Variants in CACNA2D3 observed in about 807,000 individuals in gnomAD.
The protein encoded by CACNA2D3 is calcium voltage-gated channel auxiliary subunit alpha2delta 3, also known as voltage-dependent calcium channel subunit alpha-2/delta-3.
In CACNA2D3, 60 loss-of-function variants were observed where a neutral mutation model predicts 160.6. The ratio of observed to expected loss-of-function variants is 0.37; its 90% CI spans 0.30 to 0.46. The LOEUF is 0.46. Among genes scored for constraint, CACNA2D3 ranks in the 20% least tolerant of loss-of-function variants. The pLI, the probability that CACNA2D3 is intolerant of heterozygous loss-of-function variation, is 1.00. For synonymous variants in CACNA2D3, 558 were observed against 492.9 expected (o/e 1.13, Z -1.75); for missense variants, 1,205 against 1,365.0 (o/e 0.88, Z 1.85).
intron 12 of CACNA2D3, among the ~76,000 whole-genome samples, chr3:54,754,408 C>T (rs1344715767): frequency 6.6e-6 from 1 of 152,190 alleles, no homozygotes; most frequent in Non-Finnish European, 1.5e-5. Context: ...TCCCCTCACA[C>T]ATGTTGTGGG....
At chr3:54,713,973 A>T (rs376146402) in intron 11 of CACNA2D3, among the ~76,000 whole-genome samples, 1 of 151,942 alleles carries the variant, frequency 6.6e-6, no homozygotes, top group African/African-American at 2.4e-5. Flanking sequence ...TGGTTTTTGA[A>T]TCTTCTTGGT....
chr3:54,451,584 G>A (rs1353940432), intron 4 of CACNA2D3, among the ~76,000 whole-genome samples: 2 of 152,064 alleles, frequency 1.3e-5, no homozygotes, highest in Non-Finnish European at 2.9e-5. Flanking sequence ...TCTCTCCATA[G>A]GAAGTGTGTA....
chr3:54,528,806 G>A (rs190409705), intron 5 of CACNA2D3, among the ~76,000 whole-genome samples: 117 of 152,280 alleles, frequency 7.7e-4, no homozygotes, highest in African/African-American at 2.8e-3. Flanking sequence ...GGAGCAGCCC[G>A]TAGCTCAGAG....
chr3:54,223,729 T>C (rs1200501635), intron 2 of CACNA2D3, among the ~76,000 whole-genome samples: 1 of 151,276 alleles, frequency 6.6e-6, no homozygotes, highest in Non-Finnish European at 1.5e-5. Flanking sequence ...TGGCACGTGC[T>C]GAATCCCGTC....
Position 54,335,047 on chromosome 3 carries a change from C to T in CACNA2D3, c.321+14489C>T, listed in dbSNP as rs139954051. On this transcript the variant is annotated intron_variant, in intron 3 of 37. Coordinates refer to ENST00000474759, the MANE Select transcript of CACNA2D3 (RefSeq NM_018398.3). ...GATGTAAAGTGTTTTAGCCCAGTGCCTGGCACATAGTTCTACTTCCTAAAG... is the reference window on the plus strand; with the variant it reads ...GATGTAAAGTGTTTTAGCCCAGTGCTTGGCACATAGTTCTACTTCCTAAAG... Among the ~76,000 whole-genome samples, 581 of 152,344 alleles carry T rather than the reference C, an allele frequency of 3.8e-3. 6 individuals carry two copies. The highest frequency in any genetic ancestry group is 6.0e-3 in the Non-Finnish European group (410 of 68,030).
intron 4 of CACNA2D3, among the ~76,000 whole-genome samples, chr3:54,453,733 G>A (rs571355088): frequency 2.6e-4 from 40 of 152,226 alleles, no homozygotes; most frequent in African/African-American, 9.4e-4. Flanking sequence ...GTGTCCATGT[G>A]GTTGTCCCCA....
chr3:54,866,085 A>C (rs1267525895), intron 17 of CACNA2D3, among the ~76,000 whole-genome samples: 1 of 152,198 alleles, frequency 6.6e-6, no homozygotes, highest in African/African-American at 2.4e-5. Context: ...GGGATCAAGA[A>C]CATGAGGGTG....
chr3:54,237,502 A>T (rs1316808561), intron 2 of CACNA2D3, among the ~76,000 whole-genome samples: 1 of 152,186 alleles, frequency 6.6e-6, no homozygotes, highest in Non-Finnish European at 1.5e-5. Context: ...TACAAATGAA[A>T]TACAGGTCCA....
chr3:54,913,012 G>A (rs1323359850), intron 27 of CACNA2D3, among the ~76,000 whole-genome samples: 1 of 151,994 alleles, frequency 6.6e-6, no homozygotes, highest in Admixed American at 6.5e-5. Context: ...GCATAGGATG[G>A]GCTGTACAGA....
intron 25 of CACNA2D3, 54 bp from the exon 26 acceptor site, chr3:54,896,695 C>T: frequency 6.2e-7 from 1 of 1,611,578 alleles, no homozygotes; most frequent in Non-Finnish European, 8.5e-7. Context: ...TGCTCCAGGC[C>T]CACCTTTACT....
At chr3:54,885,232 G>A (rs1267961125) in intron 21 of CACNA2D3, 49 bp from the exon 22 acceptor site, 6 of 1,598,458 alleles carry the variant, frequency 3.8e-6, no homozygotes, top group Non-Finnish European at 5.1e-6. Flanking sequence ...CACACAGGAG[G>A]ACTGGGGGAG....
At chr3:54,201,273 T>A (rs999298525) in intron 2 of CACNA2D3, among the ~76,000 whole-genome samples, 5 of 152,264 alleles carry the variant, frequency 3.3e-5, no homozygotes, top group African/African-American at 1.2e-4. Flanking sequence ...TTACACATTA[T>A]AGTTAGCATT....
At chr3:54,996,113 A>G (rs578199883) in intron 31 of CACNA2D3, among the ~76,000 whole-genome samples, 1 of 152,234 alleles carries the variant, frequency 6.6e-6, no homozygotes, top group East Asian at 1.9e-4. Context: ...TTAAGCCTCA[A>G]TGACATGCCC....
chr3:54,976,063 AC>A (rs1702385331), intron 29 of CACNA2D3, among the ~76,000 whole-genome samples: 2 of 93,876 alleles, frequency 2.1e-5, no homozygotes, highest in South Asian at 8.6e-4. Context: ...AGATACACAC[AC>A]ACACACACAC....
At chr3:54,945,266 C>G (rs1365264512) in intron 27 of CACNA2D3, among the ~76,000 whole-genome samples, 2 of 152,142 alleles carry the variant, frequency 1.3e-5, no homozygotes, top group Non-Finnish European at 2.9e-5. Flanking sequence ...GTGTTGATAC[C>G]TGCTAGTATT....
At chr3:54,304,683 T>A (rs572573837) in intron 2 of CACNA2D3, among the ~76,000 whole-genome samples, 1 of 152,314 alleles carries the variant, frequency 6.6e-6, no homozygotes. Context: ...CCTTCCAATG[T>A]CTTAGGAGAG....
At chr3:54,970,320 C>T (rs181590012) in intron 29 of CACNA2D3, among the ~76,000 whole-genome samples, 5 of 152,220 alleles carry the variant, frequency 3.3e-5, no homozygotes, top group Admixed American at 3.3e-4. Flanking sequence ...GAGTTAAAAA[C>T]TTTGAAACTC....
chr3:54,720,364 T>G (rs969589920), intron 11 of CACNA2D3, among the ~76,000 whole-genome samples: 2 of 152,120 alleles, frequency 1.3e-5, no homozygotes, highest in African/African-American at 4.8e-5. Context: ...TGAACTTTAT[T>G]TAAAGTGTAT....
intron 4 of CACNA2D3, among the ~76,000 whole-genome samples, chr3:54,416,200 G>A (rs1471374051): frequency 6.6e-6 from 1 of 152,216 alleles, no homozygotes; most frequent in Non-Finnish European, 1.5e-5. Context: ...ACACTTGCGT[G>A]TTGCTTACAC....
Sources: gnomAD v4.1 joint callset for allele counts (sites outside exome capture counted in the v4.1 genomes callset) on GRCh38, gnomAD v4.1.1 for gene constraint, MANE v1.5 for transcripts, NCBI Gene and HGNC (gene_info 2026-07-23, HGNC 2026-07-21) for gene names.